ZNF521: variants seen among roughly 807,000 people sequenced by gnomAD.
ZNF521 encodes the protein zinc finger protein 521, also known as LYST-interacting protein 3.
Under a neutral mutation model 105.5 loss-of-function variants are expected in ZNF521, and 14 were observed. The ratio of observed to expected loss-of-function variants is 0.13; its 90% CI spans 0.09 to 0.21. The LOEUF (loss-of-function observed/expected upper bound fraction) is 0.21. Among genes scored for constraint, ZNF521 ranks in the 10% least tolerant of loss-of-function variants. The pLI is 1.00. For missense variants in ZNF521, 1,233 were observed against 1,629.7 expected (o/e 0.76, Z 4.19); for synonymous variants, 635 against 606.0 (o/e 1.05, Z -0.70).
chr18:25,132,265 T>A (rs1263750612), intron 5 of ZNF521, among the ~76,000 whole-genome samples: 3 of 152,194 alleles, frequency 2.0e-5, no homozygotes, highest in Non-Finnish European at 4.4e-5. Flanking sequence ...TTCCACCTAC[T>A]GTATCTTCTA....
intron 5 of ZNF521, among the ~76,000 whole-genome samples, chr18:25,097,506 C>T (rs1041920937): frequency 5.3e-5 from 8 of 151,982 alleles, no homozygotes; most frequent in Non-Finnish European, 1.0e-4. Flanking sequence ...GCCTGAAGAC[C>T]GACGCTAGCA....
chr18:25,146,804 A>G (rs1194084505), intron 5 of ZNF521, among the ~76,000 whole-genome samples: 1 of 151,972 alleles, frequency 6.6e-6, no homozygotes, highest in African/African-American at 2.4e-5. Flanking sequence ...CTGTCTTCAC[A>G]ATTTATCCTT....
chr18:25,150,004 G>A (rs113691737), intron 5 of ZNF521, among the ~76,000 whole-genome samples: 24 of 152,226 alleles, frequency 1.6e-4, no homozygotes, highest in African/African-American at 5.8e-4. Flanking sequence ...TGGATCATGA[G>A]CTCCCTGAGA....
intron 3 of ZNF521, among the ~76,000 whole-genome samples, chr18:25,246,258 T>A (rs1057394530): frequency 6.6e-6 from 1 of 152,156 alleles, no homozygotes; most frequent in African/African-American, 2.4e-5. Flanking sequence ...AAAGAAAGTC[T>A]TATGATCTTT....
At chr18:25,340,359 AAAT>A (rs1224675696) in intron 2 of ZNF521, among the ~76,000 whole-genome samples, 5 of 151,958 alleles carry the variant, frequency 3.3e-5, no homozygotes, top group African/African-American at 9.7e-5. Flanking sequence ...CATCTCGAAA[AAAT>A]AATAATAATA....
intron 4 of ZNF521, among the ~76,000 whole-genome samples, chr18:25,217,087 A>G (rs1905376708): frequency 6.6e-6 from 1 of 152,166 alleles, no homozygotes; most frequent in South Asian, 2.1e-4. Context: ...CCACAGCCAG[A>G]GAGCCCATGA....
intron 4 of ZNF521, among the ~76,000 whole-genome samples, chr18:25,214,703 T>C (rs960616278): frequency 1.3e-5 from 2 of 152,176 alleles, no homozygotes; most frequent in African/African-American, 4.8e-5. Flanking sequence ...ATAAATTACT[T>C]GTATTATAGT....
chr18:25,268,702 T>G (rs932465310), intron 3 of ZNF521, among the ~76,000 whole-genome samples: 31 of 152,082 alleles, frequency 2.0e-4, no homozygotes, highest in African/African-American at 7.5e-4. Context: ...GAATGAGAAA[T>G]AAAATCCTTT....
At chr18:25,251,363 C>T (rs370196474) in intron 3 of ZNF521, among the ~76,000 whole-genome samples, 4 of 152,194 alleles carry the variant, frequency 2.6e-5, no homozygotes, top group Admixed American at 1.3e-4. Context: ...TACTACAGCA[C>T]GTACCATTCT....
chr18:25,292,947 C>T (rs1057510680), intron 3 of ZNF521, among the ~76,000 whole-genome samples: 2 of 152,198 alleles, frequency 1.3e-5, no homozygotes, highest in African/African-American at 2.4e-5. Context: ...TCTCCTCATA[C>T]TGTAGGAAGC....
At chr18:25,293,241 TCTATCACACAGAGATTATTAGC>T (rs1377447408) in intron 3 of ZNF521, among the ~76,000 whole-genome samples, 1 of 152,136 alleles carries the variant, frequency 6.6e-6, no homozygotes, top group Non-Finnish European at 1.5e-5. Flanking sequence ...TAAGCTATCT[TCTATCACACAGAGATTATTAGC>T]AAACACTCCT....
chr18:25,263,607 G>A (rs866613859), intron 3 of ZNF521, among the ~76,000 whole-genome samples: 8 of 150,586 alleles, frequency 5.3e-5, no homozygotes, highest in African/African-American at 1.7e-4. Context: ...ACAGAGTCTC[G>A]CTCTGTCGCC....
intron 3 of ZNF521, among the ~76,000 whole-genome samples, chr18:25,300,560 A>T (rs1911581254): frequency 6.6e-6 from 1 of 151,716 alleles, no homozygotes. Flanking sequence ...TATTAGAAAG[A>T]TCATAGAGTG....
chr18:25,111,508 T>G (rs916814481), intron 5 of ZNF521, among the ~76,000 whole-genome samples: 1 of 152,222 alleles, frequency 6.6e-6, no homozygotes, highest in African/African-American at 2.4e-5. Context: ...GTTGGGTGTT[T>G]GCATCATACT....
At chr18:25,321,958 T>C in intron 3 of ZNF521, 50 bp downstream of exon 3, 1 of 1,517,000 alleles carries the variant, frequency 6.6e-7, no homozygotes, top group South Asian at 1.3e-5. Flanking sequence ...ACTGAAAAAA[T>C]CAGAAATAGA....
Position 25,133,801 on chromosome 18 carries a change from T to C in ZNF521, c.3659-41720A>G, listed in dbSNP as rs146297388. Among the ~76,000 whole-genome samples the C allele has an allele frequency of 2.4e-4, 37 of 151,654 alleles. No individual in the cohort carries two copies. In the East Asian group the frequency reaches 4.1e-3, roughly 17 times the overall value. On this transcript the variant is annotated intron_variant, in intron 5 of 7. Transcript: ENST00000361524. ...CAACATTCTATTACTTAGGGTCTCT[T>C]TTTTTTTAATGTTTTAGTTAAAGGC...
intron 5 of ZNF521, among the ~76,000 whole-genome samples, chr18:25,170,660 T>C (rs2035433584): frequency 6.6e-6 from 1 of 152,144 alleles, no homozygotes; most frequent in Non-Finnish European, 1.5e-5. Context: ...CCCAATTTGA[T>C]CTCACGTCCA....
At chr18:25,278,591 G>A (rs1355415189) in intron 3 of ZNF521, among the ~76,000 whole-genome samples, 5 of 152,176 alleles carry the variant, frequency 3.3e-5, no homozygotes, top group Non-Finnish European at 7.3e-5. Flanking sequence ...TCCCTTAATT[G>A]AGATCCTAGC....
intron 3 of ZNF521, among the ~76,000 whole-genome samples, chr18:25,238,958 T>C (rs948329683): frequency 2.0e-5 from 3 of 152,150 alleles, no homozygotes; most frequent in Non-Finnish European, 2.9e-5. Flanking sequence ...ATCTTTTCTT[T>C]CCCCTGAATC....
Sources: gnomAD v4.1 joint callset for allele counts (sites outside exome capture counted in the v4.1 genomes callset) on GRCh38, gnomAD v4.1.1 for gene constraint, MANE v1.5 for transcripts, NCBI Gene and HGNC (gene_info 2026-07-23, HGNC 2026-07-21) for gene names.